MAML3: variants seen among roughly 807,000 people sequenced by gnomAD.
MAML3 encodes the protein mastermind like transcriptional coactivator 3, also known as mastermind-like protein 3.
MAML3 carries 27 observed loss-of-function variants against 101.9 expected under a neutral mutation model. That is an observed-to-expected ratio of 0.27 (90% CI 0.20 to 0.37). The LOEUF (loss-of-function observed/expected upper bound fraction) is 0.37, where lower values mean the gene tolerates loss of function less well. Among genes scored for constraint, MAML3 ranks in the 10% least tolerant of loss-of-function variants. MAML3 has a pLI of 1.00. For missense variants in MAML3, 1,316 were observed against 1,444.9 expected (o/e 0.91, Z 1.45); for synonymous variants, 501 against 555.9 (o/e 0.90, Z 1.39).
intron 1 of MAML3, among the ~76,000 whole-genome samples, chr4:140,066,410 T>C (rs1366146891): frequency 3.3e-5 from 5 of 152,214 alleles, no homozygotes; most frequent in African/African-American, 1.2e-4. Flanking sequence ...CTGGATAACG[T>C]TGGCATCGCT....
At chr4:139,914,004 T>G (rs538174739) in intron 1 of MAML3, among the ~76,000 whole-genome samples, 1 of 150,824 alleles carries the variant, frequency 6.6e-6, no homozygotes, top group Non-Finnish European at 1.5e-5. Context: ...TACATTAAAA[T>G]TTTTTTTTTA....
At chr4:140,013,117 C>T (rs1255456045) in intron 1 of MAML3, among the ~76,000 whole-genome samples, 1 of 152,172 alleles carries the variant, frequency 6.6e-6, no homozygotes, top group Non-Finnish European at 1.5e-5. Flanking sequence ...AAAGAAAGAA[C>T]TATTTGGGTA....
At position 140,045,475 on chromosome 4, in the gene MAML3, A is replaced by G. The variant is rs541935411; in HGVS notation, c.468+107385T>C. ...GTTTGTTTGTTTTTTTTAATATTGC[A>G]ATCAATGTATTGGGACTTTTTTTCA... On this transcript the variant is annotated intron_variant, in intron 1 of 4. Transcript: ENST00000509479. Among the ~76,000 whole-genome samples, 21 of 151,752 alleles carry G rather than the reference A, an allele frequency of 1.4e-4. No individual in the cohort carries two copies. In the Middle Eastern group the frequency reaches 0.014, roughly 98 times the overall value.
chr4:139,961,579 C>A (rs1734014217), intron 1 of MAML3, among the ~76,000 whole-genome samples: 1 of 152,076 alleles, frequency 6.6e-6, no homozygotes, highest in Admixed American at 6.5e-5. Flanking sequence ...TTTAGATGTG[C>A]CTGGATTTCT....
At chr4:139,976,712 A>C (rs1734344343) in intron 1 of MAML3, among the ~76,000 whole-genome samples, 2 of 152,214 alleles carry the variant, frequency 1.3e-5, no homozygotes, top group Admixed American at 6.5e-5. Context: ...CTCTTTTAAA[A>C]TTCAGTGTTT....
intron 1 of MAML3, among the ~76,000 whole-genome samples, chr4:140,126,626 A>G (rs916815278): frequency 3.3e-5 from 5 of 152,042 alleles, no homozygotes; most frequent in East Asian, 1.9e-4. Flanking sequence ...TGCTTTGCCA[A>G]TTTCATCCAC....
chr4:140,095,200 T>C (rs1173987559), intron 1 of MAML3, among the ~76,000 whole-genome samples: 4 of 152,206 alleles, frequency 2.6e-5, no homozygotes, highest in East Asian at 3.9e-4. Context: ...TTTGCCTGAA[T>C]AGGAAGAACC....
intron 1 of MAML3, among the ~76,000 whole-genome samples, chr4:139,919,496 CTTCT>C (rs949845649): frequency 1.5e-4 from 23 of 152,094 alleles, no homozygotes; most frequent in African/African-American, 5.3e-4. Context: ...CTTAACTTTC[CTTCT>C]TTCTTTCTTA....
intron 1 of MAML3, among the ~76,000 whole-genome samples, chr4:139,961,159 G>A (rs2110774524): frequency 6.6e-6 from 1 of 152,294 alleles, no homozygotes; most frequent in South Asian, 2.1e-4. Context: ...CAACATGGGG[G>A]CTCTAAGCTG....
Position 139,720,020 on chromosome 4 carries a change from T to C in MAML3, c.2720A>G (p.Gln907Arg). The C allele has an allele frequency of 1.2e-6, 2 of 1,614,078 alleles. No homozygotes were observed. Among genetic ancestry groups the C allele is most frequent in the East Asian group, 2.2e-5 (1 of 44,880 alleles). Residue 907 changes from glutamine (Q) to arginine (R), a missense_variant, in exon 5 of 5, where the codon CAG (glutamine) becomes CGG (arginine). Coordinates refer to ENST00000509479, the MANE Select transcript of MAML3 (RefSeq NM_018717.5). ...AQGPRQPASGQGVGMVSGFGQ... is the reference protein window; with the variant it reads ...AQGPRQPASGRGVGMVSGFGQ... ...AAAGCCACTCACCATTCCAACCCCCTGCCCAGAGGCAGGTTGCCTCGGTCC... is the reference window on the plus strand; with the variant it reads ...AAAGCCACTCACCATTCCAACCCCCCGCCCAGAGGCAGGTTGCCTCGGTCC...
At chr4:139,748,558 G>A (rs748705861) in intron 2 of MAML3, among the ~76,000 whole-genome samples, 6 of 152,166 alleles carry the variant, frequency 3.9e-5, no homozygotes, top group Non-Finnish European at 7.3e-5. Flanking sequence ...GAAAAGTCAG[G>A]CTGAGAAGAG....
intron 1 of MAML3, among the ~76,000 whole-genome samples, chr4:140,129,389 C>T (rs542538708): frequency 2.0e-5 from 3 of 152,170 alleles, no homozygotes; most frequent in Non-Finnish European, 2.9e-5. Context: ...ATCCCCCCTA[C>T]CCCCAATTCT....
rs530619772 is a variant in MAML3, at chr4:139,896,036, A to T, written c.469-5069T>A. Among the ~76,000 whole-genome samples, 62 of 152,310 alleles carry T rather than the reference A, an allele frequency of 4.1e-4. 1 individual carries two copies. The highest frequency in any genetic ancestry group is 6.8e-3 in the Middle Eastern group (2 of 294). ...TCCAAAATAGCAGAGCAATCTTAGC[A>T]TCCCTTCTGTCTGCCTCATCATCCT... On this transcript the variant is annotated intron_variant, in intron 1 of 4. Coordinates refer to ENST00000509479, the MANE Select transcript of MAML3 (RefSeq NM_018717.5).
chr4:139,760,847 A>T (rs1406454966), intron 2 of MAML3, among the ~76,000 whole-genome samples: 2 of 152,146 alleles, frequency 1.3e-5, no homozygotes, highest in African/African-American at 4.8e-5. Flanking sequence ...TTTAAGAAAG[A>T]AAAATGAGTA....
intron 1 of MAML3, among the ~76,000 whole-genome samples, chr4:139,988,604 T>C (rs1370276281): frequency 6.6e-6 from 1 of 152,182 alleles, no homozygotes; most frequent in African/African-American, 2.4e-5. Context: ...TTCAGTTCTT[T>C]AGTTGTCCCA....
rs141174942 is a variant in MAML3 at position 139,771,097 on chromosome 4, T to C, written c.2080-40430A>G. On this transcript the variant is annotated intron_variant, in intron 2 of 4. Transcript: ENST00000509479. The stretch of plus-strand genomic sequence containing the variant: ...ACAGTACTCGGAATCTTACGTTTTA[T>C]CCATTCATGAAGTCTTTACCCAAAG... Among the ~76,000 whole-genome samples the C allele has an allele frequency of 3.1e-3, 469 of 152,322 alleles. 3 individuals carry two copies. The highest frequency in any genetic ancestry group is 0.011 in the African/African-American group (452 of 41,570).
intron 2 of MAML3, among the ~76,000 whole-genome samples, chr4:139,756,889 T>G (rs968682480): frequency 6.6e-6 from 1 of 152,178 alleles, no homozygotes; most frequent in African/African-American, 2.4e-5. Context: ...TCTCTTAACA[T>G]TGCAGGACCT....
chr4:140,150,351 G>C (rs1729137641), intron 1 of MAML3, among the ~76,000 whole-genome samples: 1 of 152,100 alleles, frequency 6.6e-6, no homozygotes, highest in Non-Finnish European at 1.5e-5. Flanking sequence ...TTCCACCTGC[G>C]AGTGTATCAC....
chr4:140,038,183 G>C (rs1727019874), intron 1 of MAML3, among the ~76,000 whole-genome samples: 1 of 151,988 alleles, frequency 6.6e-6, no homozygotes, highest in South Asian at 2.1e-4. Context: ...GTGCTGCCAA[G>C]TGCTTTACGC....
Sources: allele counts gnomAD v4.1 joint callset (sites outside exome capture counted in the v4.1 genomes callset), GRCh38; gene constraint gnomAD v4.1.1; transcripts MANE v1.5; gene names NCBI Gene and HGNC (gene_info 2026-07-23, HGNC 2026-07-21).